The following BANP variants were observed in gnomAD, a reference collection of about 807,000 sequenced individuals.
BANP encodes protein BANP.
BANP carries 11 observed loss-of-function variants against 68.1 expected under a neutral mutation model. The observed-to-expected ratio is 0.16, with a 90% confidence interval of 0.10 to 0.27. BANP has a LOEUF of 0.27. BANP is among the 10% of genes least tolerant of loss of function. BANP has a pLI of 1.00. For synonymous variants in BANP, 329 were observed against 303.2 expected (o/e 1.09, Z -0.88); for missense variants, 504 against 722.7 (o/e 0.70, Z 3.47).
chr16:88,006,947 C>CA (rs11349895), intron 6 of BANP, among the ~76,000 whole-genome samples: 989 of 81,408 alleles, frequency 0.012, 17 homozygotes, highest in Non-Finnish European at 0.012. Context: ...GACTCTGTCT[C>CA]AAAAAAAAAA....
intron 1 of BANP, among the ~76,000 whole-genome samples, chr16:87,960,995 C>T (rs977548534): frequency 3.9e-5 from 6 of 152,138 alleles, no homozygotes; most frequent in Admixed American, 6.5e-5. Flanking sequence ...GCTGATGAAC[C>T]GTATGCTTTT....
chr16:88,038,569 G>A (rs2079991855), intron 11 of BANP, among the ~76,000 whole-genome samples: 1 of 152,006 alleles, frequency 6.6e-6, no homozygotes, highest in African/African-American at 2.4e-5. Flanking sequence ...GAAAAAGGTG[G>A]TTTCGCTCCT....
At chr16:88,035,160 T>A (rs1170678298) in intron 9 of BANP, 163 bp from the exon 10 acceptor site, 3 of 707,414 alleles carry the variant, frequency 4.2e-6, no homozygotes, top group Non-Finnish European at 7.2e-6. Flanking sequence ...AACCAAAAGC[T>A]TAATTTAAAG....
intron 11 of BANP, among the ~76,000 whole-genome samples, chr16:88,056,885 A>G (rs955038048): frequency 2.0e-5 from 3 of 152,272 alleles, no homozygotes; most frequent in African/African-American, 7.2e-5. Context: ...TATATGATGC[A>G]CACATTGAAG....
At chr16:87,976,232 G>A (rs920654573) in intron 2 of BANP, among the ~76,000 whole-genome samples, 1 of 152,156 alleles carries the variant, frequency 6.6e-6, no homozygotes, top group Admixed American at 6.6e-5. Flanking sequence ...TTTTTAAGAC[G>A]GTGACAGGTT....
intron 11 of BANP, among the ~76,000 whole-genome samples, chr16:88,052,474 G>A (rs776428761): frequency 6.6e-6 from 1 of 152,004 alleles, no homozygotes; most frequent in Admixed American, 6.5e-5. Flanking sequence ...CGTTCAAGGA[G>A]TTAAAGTCAG....
rs747772558 is a variant in BANP at position 87,981,041 on chromosome 16, T to C, written c.76T>C (p.Leu26=). The change falls in exon 3 of 14, where the codon TTG becomes CTG. Residue 26 remains leucine, a synonymous_variant. Transcript: ENST00000682872. ...EDLSPDHPVV[L]ENHVVTDEDE... ...TTCTCTGTCACTGATTTCAGTTGTT[T>C]TGGAGAATCATGTAGTGACAGATGA... 3.7e-6 allele frequency: 6 copies of C among 1,606,516 alleles called. No individual in the cohort carries two copies. In the East Asian group the frequency reaches 6.7e-5, roughly 18 times the overall value.
At chr16:87,961,858 G>T (rs1431430227) in intron 1 of BANP, among the ~76,000 whole-genome samples, 1 of 152,028 alleles carries the variant, frequency 6.6e-6, no homozygotes, top group African/African-American at 2.4e-5. Context: ...AGCCAGTTTG[G>T]GTGTCTCTCA....
intron 1 of BANP, among the ~76,000 whole-genome samples, chr16:87,960,959 C>A (rs928399195): frequency 6.6e-6 from 1 of 152,130 alleles, no homozygotes; most frequent in South Asian, 2.1e-4. Flanking sequence ...CCGAGAGCTC[C>A]CAATAAATCA....
intron 6 of BANP, among the ~76,000 whole-genome samples, chr16:88,012,530 G>A (rs1363830483): frequency 6.6e-6 from 1 of 152,162 alleles, no homozygotes; most frequent in Non-Finnish European, 1.5e-5. Context: ...GCAAAGGATG[G>A]CCTTCTGATT....
intron 8 of BANP, among the ~76,000 whole-genome samples, chr16:88,028,242 A>G (rs1033631380): frequency 3.3e-5 from 5 of 152,258 alleles, no homozygotes; most frequent in Non-Finnish European, 7.3e-5. Context: ...AGCTCCCCAC[A>G]GTAGCTGCAT....
At chr16:88,031,667 AC>A (rs1462444413) in intron 8 of BANP, among the ~76,000 whole-genome samples, 1 of 151,730 alleles carries the variant, frequency 6.6e-6, no homozygotes, top group Non-Finnish European at 1.5e-5. Flanking sequence ...AAAAAAAGAA[AC>A]CCAACATTTT....
At chr16:87,994,150 C>A (rs115884677) in intron 4 of BANP, among the ~76,000 whole-genome samples, 1 of 152,324 alleles carries the variant, frequency 6.6e-6, no homozygotes, top group African/African-American at 2.4e-5. Flanking sequence ...GCGAAGGGCC[C>A]TGGGCGGCTT....
At chr16:88,011,417 G>C (rs1207995102) in intron 6 of BANP, among the ~76,000 whole-genome samples, 1 of 152,186 alleles carries the variant, frequency 6.6e-6, no homozygotes, top group African/African-American at 2.4e-5. Context: ...GTTGGACTCA[G>C]GTTCTCTGCG....
rs1231830705 is a variant in BANP at position 88,071,728 on chromosome 16, T to C, written c.1378-341T>C. On this transcript the variant is annotated intron_variant, in intron 12 of 13. Coordinates refer to ENST00000682872, the MANE Select transcript of BANP (RefSeq NM_001386991.1). The surrounding 1 kb of genome is among the most constrained non-coding windows in gnomAD (Gnocchi z 6.5). ...TGCTCTTCATGGTTGCCACTGGGAT[T>C]TTCCAGGAGGCTCTGTGGCATTTGC... is the stretch of plus-strand genomic sequence containing the variant. 1 of 538,066 alleles carries C rather than the reference T, an allele frequency of 1.9e-6. No individual in the cohort carries two copies. Among genetic ancestry groups the C allele is most frequent in the East Asian group, 4.5e-5 (1 of 22,316 alleles). 33.3% of individuals were successfully genotyped at this position (538,066 alleles called of 1,614,324 possible). A position where few individuals can be genotyped will look rare whatever the true frequency, so the allele number is the denominator to read the frequency against.
intron 11 of BANP, among the ~76,000 whole-genome samples, chr16:88,042,777 C>G (rs529789959): frequency 6.6e-6 from 1 of 151,720 alleles, no homozygotes; most frequent in South Asian, 2.1e-4. Flanking sequence ...TTAGCCACGT[C>G]TGGTGGTATG....
At chr16:88,027,298 G>A (rs2077189825) in intron 7 of BANP, among the ~76,000 whole-genome samples, 185 bp from the exon 8 acceptor site, 1 of 152,190 alleles carries the variant, frequency 6.6e-6, no homozygotes, top group Admixed American at 6.5e-5. Context: ...AGCCCCGCCT[G>A]TGGGCCAGCT....
chr16:88,009,732 A>C (rs1466200345), intron 6 of BANP, among the ~76,000 whole-genome samples: 1 of 151,990 alleles, frequency 6.6e-6, no homozygotes, highest in East Asian at 1.9e-4. Context: ...AGCTATTGAA[A>C]GCAGGGAACA....
At position 87,957,661 on chromosome 16, in the gene BANP, T is replaced by C. The variant is rs967701748; in HGVS notation, c.-69+6146T>C. ...TCATCAAATATCTGGAAGCAAAGCT[T>C]AATCTTTCTGAAAGTAGAAACGCGT... On this transcript the variant is annotated intron_variant, in intron 1 of 13. Coordinates refer to ENST00000682872, the MANE Select transcript of BANP (RefSeq NM_001386991.1). The surrounding 1 kb of genome is among the most constrained non-coding windows in gnomAD (Gnocchi z 4.3). Among the ~76,000 whole-genome samples, 2 of 152,266 alleles carry C rather than the reference T, an allele frequency of 1.3e-5. No individual in the cohort carries two copies. The highest frequency in any genetic ancestry group is 4.8e-5 in the African/African-American group (2 of 41,474).
Sources: allele counts gnomAD v4.1 joint callset (sites outside exome capture counted in the v4.1 genomes callset), GRCh38; gene constraint gnomAD v4.1.1; non-coding constraint Gnocchi (gnomAD v3.1); transcripts MANE v1.5; gene names NCBI Gene and HGNC (gene_info 2026-07-23, HGNC 2026-07-21).